The following CHD5 variants were observed in gnomAD, a reference collection of about 807,000 sequenced individuals.
CHD5 encodes the protein ATP-dependent chromatin remodeler CHD5.
CHD5 carries 69 observed loss-of-function variants against 230.3 expected under a neutral mutation model. The ratio of observed to expected loss-of-function variants is 0.30; its 90% CI spans 0.25 to 0.37. The LOEUF (loss-of-function observed/expected upper bound fraction) is 0.37, where lower values mean the gene tolerates loss of function less well. Ranked by LOEUF, CHD5 falls within the 10% of genes least tolerant of loss-of-function variation. CHD5 has a pLI of 1.00. For missense variants in CHD5, 1,827 were observed against 2,622.8 expected (o/e 0.70, Z 6.63); for synonymous variants, 1,064 against 1,065.9 (o/e 1.00, Z 0.03).
rs766300383 is a variant in CHD5, at chr1:6,125,844, G to C, written c.4093C>G (p.Leu1365Val). 6.2e-7 allele frequency: 1 copy of C among 1,611,942 alleles called. No individual in the cohort carries two copies. Among genetic ancestry groups the C allele is most frequent in the Non-Finnish European group, 8.5e-7 (1 of 1,179,732 alleles). ...GAATATTCTGACTGGTTATCAGAGA[G>C]CTCATCCTGCCACTCTGCAGGGGGC... ...SQEDQEWQDE[L>V]SDNQSEYSIG... The change falls in exon 27 of 42, where the codon CTC becomes GTC. Residue 1365 changes from leucine to valine, a missense_variant. Leu to Val is a conservative substitution (Grantham distance 32, BLOSUM62 1). This residue lies in a region of CHD5 where 137 missense variants were observed against 272.7 expected (regional missense o/e 0.50). Transcript: ENST00000262450. This position sits in a 1 kb window ranked among gnomAD's most constrained non-coding sequence, Gnocchi z 6.7.
intron 29 of CHD5, 114 bp downstream of exon 29, chr1:6,124,986 A>T: frequency 8.6e-7 from 1 of 1,164,308 alleles, no homozygotes; most frequent in Non-Finnish European, 1.2e-6. Flanking sequence ...TGAACTTTCC[A>T]GACGGCCTCA....
chr1:6,124,187 C>G, intron 30 of CHD5, 80 bp from the exon 31 acceptor site: 1 of 1,333,550 alleles, frequency 7.5e-7, no homozygotes, highest in South Asian at 1.3e-5. Context: ...TCAGGGCAGC[C>G]AGGGGGGCTG....
At chr1:6,158,019 C>T (rs964927914) in intron 3 of CHD5, among the ~76,000 whole-genome samples, 3 of 152,208 alleles carry the variant, frequency 2.0e-5, no homozygotes, top group East Asian at 3.8e-4. Flanking sequence ...CTAATATTTA[C>T]AGAGCGTTTA....
chr1:6,136,655 G>A lies in CHD5; in HGVS notation c.2575-17C>T. 1 of 1,613,888 alleles carries A rather than the reference G, an allele frequency of 6.2e-7. No individual in the cohort carries two copies. ...CCTAAAAAACTGAGGGGAGGAGAGT[G>A]GGGCCTGTCAGGGGGCTCTGGGCGG... On this transcript the variant is annotated splice_polypyrimidine_tract_variant and intron_variant, in intron 16 of 41. Coordinates refer to ENST00000262450, the MANE Select transcript of CHD5 (RefSeq NM_015557.3).
chr1:6,131,874 C>A lies in CHD5; in HGVS notation c.3145-126G>T, dbSNP rs577196326. The A allele has an allele frequency of 4.6e-6, 3 of 651,948 alleles. No individual in the cohort carries two copies. The highest frequency in any genetic ancestry group is 2.4e-5 in the Admixed American group (1 of 41,056). 40.4% of individuals were successfully genotyped at this position (651,948 alleles called of 1,614,324 possible). A position where few individuals can be genotyped will look rare whatever the true frequency, so the allele number is the denominator to read the frequency against. On this transcript the variant is annotated intron_variant, in intron 20 of 41. Transcript: ENST00000262450. This position sits in a 1 kb window ranked among gnomAD's most constrained non-coding sequence, Gnocchi z 5.0. ...GCTAGGTGGGGAGACAGCTGGGACCCAGGCAGGCCCAATGCAGGACTCTGG... is the reference window on the plus strand; with the variant it reads ...GCTAGGTGGGGAGACAGCTGGGACCAAGGCAGGCCCAATGCAGGACTCTGG...
At chr1:6,112,473 G>A (rs1666307619) in intron 34 of CHD5, among the ~76,000 whole-genome samples, 196 bp from the exon 35 acceptor site, 2 of 152,160 alleles carry the variant, frequency 1.3e-5, no homozygotes, top group South Asian at 4.1e-4. Context: ...TTAGCTCCAG[G>A]TCCTAGTGCT....
At chr1:6,139,971 AG>A (rs1206998433) in intron 15 of CHD5, among the ~76,000 whole-genome samples, 9 of 152,100 alleles carry the variant, frequency 5.9e-5, no homozygotes, top group Non-Finnish European at 7.4e-5. Flanking sequence ...AGCTGCTAGG[AG>A]GCAGTGGAGG....
In CHD5 at chr1:6,172,200, T is replaced by C. The variant is rs116797561; in HGVS notation, c.80-3923A>G. 3.7e-3 allele frequency among the ~76,000 whole-genome samples: 558 copies of C among 152,310 alleles called. 2 individuals carry two copies. The highest frequency in any genetic ancestry group is 0.012 in the African/African-American group (507 of 41,572). Reference sequence around the variant, plus strand: ...CCCTTCTCAGGGTAGCGCATTGCAATAGCAGCAGTCGTGATAACTGCATAC... The same window carrying C: ...CCCTTCTCAGGGTAGCGCATTGCAACAGCAGCAGTCGTGATAACTGCATAC... On this transcript the variant is annotated intron_variant, in intron 1 of 41. Coordinates refer to ENST00000262450, the MANE Select transcript of CHD5 (RefSeq NM_015557.3).
intron 1 of CHD5, among the ~76,000 whole-genome samples, chr1:6,170,798 G>A (rs910629211): frequency 2.6e-5 from 4 of 152,202 alleles, no homozygotes; most frequent in Non-Finnish European, 5.9e-5. Context: ...AAACGTGCAC[G>A]GGGACCCCCT....
rs41279498 is a variant in CHD5, at chr1:6,149,211, C to G, written c.1161+35G>C. ...ACAGGGGTGGGGGAGCCAGGCGTGG[C>G]CCCGCCCCCAGCCCGGGGCTCTGCC... is the stretch of plus-strand genomic sequence containing the variant. On this transcript the variant is annotated intron_variant, in intron 8 of 41. Coordinates refer to ENST00000262450, the MANE Select transcript of CHD5 (RefSeq NM_015557.3). 5.9e-6 allele frequency: 9 copies of G among 1,534,478 alleles called. No individual in the cohort carries two copies. In the Admixed American group the frequency reaches 1.8e-4, roughly 30 times the overall value.
chr1:6,169,288 G>T (rs1208733744), intron 1 of CHD5, among the ~76,000 whole-genome samples: 3 of 152,222 alleles, frequency 2.0e-5, no homozygotes, highest in Non-Finnish European at 4.4e-5. Context: ...TTCCAGCTGG[G>T]CACTAGAAAG....
chr1:6,133,007 G>A (rs1666682514), intron 20 of CHD5, among the ~76,000 whole-genome samples: 1 of 151,876 alleles, frequency 6.6e-6, no homozygotes, highest in African/African-American at 2.4e-5. Flanking sequence ...CAATCCTCCT[G>A]CCTCAACCTC....
At chr1:6,148,780 G>A in intron 9 of CHD5, 74 bp downstream of exon 9, 3 of 1,318,168 alleles carry the variant, frequency 2.3e-6, no homozygotes, top group Non-Finnish European at 3.0e-6. Flanking sequence ...GAGGAGGGCA[G>A]GCCTTCCCCT....
intron 1 of CHD5, among the ~76,000 whole-genome samples, chr1:6,172,061 C>T (rs1290033511): frequency 1.3e-5 from 2 of 152,246 alleles, no homozygotes; most frequent in East Asian, 3.9e-4. Flanking sequence ...CTGCTTTCTC[C>T]AGAGCTCCCT....
intron 9 of CHD5, 29 bp downstream of exon 9, chr1:6,148,825 G>A (rs370071367): frequency 1.4e-5 from 20 of 1,458,816 alleles, no homozygotes; most frequent in African/African-American, 1.0e-4. Context: ...GGGGCGGGGC[G>A]TCCGGCGCGG....
Position 6,134,411 on chromosome 1 carries a change from G to A in CHD5, c.3013-152C>T. On this transcript the variant is annotated intron_variant, in intron 19 of 41. Coordinates refer to ENST00000262450, the MANE Select transcript of CHD5 (RefSeq NM_015557.3). The surrounding 1 kb of genome is among the most constrained non-coding windows in gnomAD (Gnocchi z 6.3). Reference sequence around the variant, plus strand: ...TGAGACCCACACCCGAGCCAGGCCAGGCCCCACAGTGCGGGGTAGACCGTG... The same window carrying A: ...TGAGACCCACACCCGAGCCAGGCCAAGCCCCACAGTGCGGGGTAGACCGTG... 9.7e-7 allele frequency: 1 copy of A among 1,027,530 alleles called. No individual in the cohort carries two copies. The highest frequency in any genetic ancestry group is 1.5e-5 in the South Asian group (1 of 65,634). The allele number at this position is 1,027,530 out of a possible 1,614,324, so 63.7% of individuals were successfully genotyped here.
Position 6,130,174 on chromosome 1 carries a change from G to C in CHD5, c.3387+30C>G, listed in dbSNP as rs377143914. ...TGAGGCCCGGGATGAGAGGCCCCCT[G>C]GGAGGGTGGTGGGCGGCAGCAGCAC... On this transcript the variant is annotated intron_variant, in intron 22 of 41. Transcript: ENST00000262450. This position sits in a 1 kb window ranked among gnomAD's most constrained non-coding sequence, Gnocchi z 4.9. 1.9e-6 allele frequency: 3 copies of C among 1,612,282 alleles called. No individual in the cohort carries two copies. The highest frequency in any genetic ancestry group is 2.2e-5 in the South Asian group (2 of 91,000).
intron 3 of CHD5, among the ~76,000 whole-genome samples, chr1:6,158,297 G>A (rs1196320333): frequency 6.6e-6 from 1 of 152,198 alleles, no homozygotes; most frequent in Non-Finnish European, 1.5e-5. Context: ...CATCTCTGTA[G>A]CCGCTCTGCC....
At chr1:6,172,485 T>C (rs570782953) in intron 1 of CHD5, among the ~76,000 whole-genome samples, 1 of 152,134 alleles carries the variant, frequency 6.6e-6, no homozygotes, top group East Asian at 1.9e-4. Flanking sequence ...CCACCACACC[T>C]GGCTCAGGGT....
Sources: allele counts gnomAD v4.1 joint callset (sites outside exome capture counted in the v4.1 genomes callset), GRCh38; gene constraint gnomAD v4.1.1; regional missense constraint gnomAD v4.1.1; non-coding constraint Gnocchi (gnomAD v3.1); transcripts MANE v1.5; gene names NCBI Gene and HGNC (gene_info 2026-07-23, HGNC 2026-07-21).